KRABD3: variants seen among roughly 807,000 people sequenced by gnomAD.
KRABD3 encodes the protein KRAB domain-containing protein 3.
the KRABD3 span, chr7:149,733,326 C>T: frequency 1.4e-5 from 23 of 1,612,344 alleles, no homozygotes; most frequent in South Asian, 3.3e-5. Flanking sequence ...TCCCTGCAGC[C>T]GCCATGCCAC....
chr7:149,715,780 G>T, the KRABD3 span, among the ~76,000 whole-genome samples: 1 of 152,198 alleles, frequency 6.6e-6, no homozygotes, highest in Non-Finnish European at 1.5e-5. Context: ...GTGCCCCCAA[G>T]CATTTGGGGA....
the KRABD3 span, chr7:149,733,903 A>C: frequency 3.1e-5 from 49 of 1,591,244 alleles, no homozygotes; most frequent in Non-Finnish European, 3.9e-5. Context: ...GTGCAGATGC[A>C]GACGTGCCGA....
At chr7:149,721,955 A>C in the KRABD3 span, 21 of 373,110 alleles carry the variant, frequency 5.6e-5, no homozygotes, top group South Asian at 4.8e-4. Flanking sequence ...TTTTATTTTT[A>C]AAACTTCTCA....
the KRABD3 span, chr7:149,725,849 G>C: frequency 6.7e-7 from 1 of 1,486,306 alleles, no homozygotes; most frequent in South Asian, 1.3e-5. Context: ...CTTCTCCAGT[G>C]AGCCTCCTGG....
At chr7:149,721,432 A>C in the KRABD3 span, 16 of 1,612,324 alleles carry the variant, frequency 9.9e-6, no homozygotes, top group Non-Finnish European at 1.4e-5. Flanking sequence ...GCTGCCTTCC[A>C]GACGGCCCTA....
At chr7:149,723,075 GC>G in the KRABD3 span, 1 of 856,282 alleles carries the variant, frequency 1.2e-6, no homozygotes, top group Non-Finnish European at 1.7e-6. Flanking sequence ...CTGCTGTGTT[GC>G]CAGTGTCACC....
chr7:149,732,470 G>A, the KRABD3 span, among the ~76,000 whole-genome samples: 1 of 152,234 alleles, frequency 6.6e-6, no homozygotes, highest in African/African-American at 2.4e-5. The surrounding 1 kb of genome is among the most constrained non-coding windows in gnomAD (Gnocchi z 4.0). Context: ...GGGGCCCAGA[G>A]AAACAGGGAA....
chr7:149,721,829 G>T, the KRABD3 span: 3 of 583,110 alleles, frequency 5.1e-6, no homozygotes, highest in Non-Finnish European at 9.7e-6. Flanking sequence ...GCAGGCCCAC[G>T]GCCAGCAGCA....
At chr7:149,715,941 T>C in the KRABD3 span, among the ~76,000 whole-genome samples, 7 of 152,204 alleles carry the variant, frequency 4.6e-5, no homozygotes, top group Non-Finnish European at 1.0e-4. Flanking sequence ...CACAGTTTCC[T>C]GTTCTGTAAA....
chr7:149,730,148 G>A, the KRABD3 span: 1 of 1,514,620 alleles, frequency 6.6e-7, no homozygotes, highest in Non-Finnish European at 8.9e-7. Context: ...CCTGCCCAGG[G>A]TCTGCCCCCA....
chr7:149,720,029 T>G, the KRABD3 span: 1 of 1,549,724 alleles, frequency 6.5e-7, no homozygotes, highest in African/African-American at 1.4e-5. Context: ...CTGCTCCCCC[T>G]CTCTGCTTTC....
chr7:149,730,546 G>A, the KRABD3 span: 1 of 1,612,054 alleles, frequency 6.2e-7, no homozygotes, highest in South Asian at 1.1e-5. Context: ...CAGAGCCCAG[G>A]TACTGCAGCG....
the KRABD3 span, chr7:149,725,859 G>T: frequency 6.6e-7 from 1 of 1,506,400 alleles, no homozygotes. Context: ...GAGCCTCCTG[G>T]TGACCACAAC....
chr7:149,729,595 A>G, the KRABD3 span: 1 of 985,284 alleles, frequency 1.0e-6, no homozygotes, highest in Admixed American at 6.1e-5. Flanking sequence ...GTTTGTGTCC[A>G]TCCATTGGGT....
chr7:149,733,350 T>G, the KRABD3 span: 34 of 1,612,336 alleles, frequency 2.1e-5, no homozygotes, highest in South Asian at 3.4e-4. Context: ...GGGAAGCCCC[T>G]GCAGCAGGAG....
the KRABD3 span, among the ~76,000 whole-genome samples, chr7:149,722,195 A>C: frequency 6.6e-6 from 1 of 152,092 alleles, no homozygotes; most frequent in Non-Finnish European, 1.5e-5. Flanking sequence ...TCCTGAGCCA[A>C]ATTCCGAGGC....
chr7:149,733,693 G>C, the KRABD3 span: 1 of 1,582,710 alleles, frequency 6.3e-7, no homozygotes, highest in East Asian at 2.3e-5. Context: ...GGGCACGTCC[G>C]CTGCCTCCAG....
At chr7:149,722,480 G>GGCCCC in the KRABD3 span, 4 of 1,528,660 alleles carry the variant, frequency 2.6e-6, no homozygotes, top group Non-Finnish European at 3.6e-6. Context: ...TGGGCGGGGA[G>GGCCCC]CCCAGCCCTC....
At chr7:149,733,331 T>A in the KRABD3 span, 20 of 1,612,448 alleles carry the variant, frequency 1.2e-5, no homozygotes, top group Non-Finnish European at 1.7e-5. Flanking sequence ...GCAGCCGCCA[T>A]GCCACTGTGG....
Sources: gnomAD v4.1 joint callset for allele counts (sites outside exome capture counted in the v4.1 genomes callset) on GRCh38, gnomAD v4.1.1 for gene constraint, Gnocchi (gnomAD v3.1) non-coding constraint, MANE v1.5 for transcripts, NCBI Gene and HGNC (gene_info 2026-07-23, HGNC 2026-07-21) for gene names.